Variants in FRMD4A observed in about 807,000 individuals in gnomAD.
The protein encoded by FRMD4A is FERM domain-containing protein 4A.
A neutral mutation model predicts 129.1 loss-of-function variants in FRMD4A; 29 were observed. The observed-to-expected ratio is 0.22, with a 90% CI of 0.17 to 0.31. FRMD4A has a LOEUF of 0.31. Among genes scored for constraint, FRMD4A ranks in the 10% least tolerant of loss-of-function variants. The pLI is 1.00. For missense variants in FRMD4A, 1,272 were observed against 1,375.8 expected (o/e 0.92, Z 1.19); for synonymous variants, 634 against 571.6 (o/e 1.11, Z -1.56).
intron 2 of FRMD4A, among the ~76,000 whole-genome samples, chr10:14,194,607 T>C (rs1458092665): frequency 7.9e-5 from 12 of 152,100 alleles, no homozygotes; most frequent in Admixed American, 3.9e-4. Flanking sequence ...CGAGACTCTG[T>C]CTCAACAACA....
At chr10:14,136,990 A>T (rs1270457241) in intron 2 of FRMD4A, among the ~76,000 whole-genome samples, 3 of 152,186 alleles carry the variant, frequency 2.0e-5, no homozygotes, top group Admixed American at 2.0e-4. Flanking sequence ...TAACTTTCTG[A>T]TGATTCATAT....
At chr10:13,974,416 G>C (rs151258333) in intron 2 of FRMD4A, among the ~76,000 whole-genome samples, 1 of 152,264 alleles carries the variant, frequency 6.6e-6, no homozygotes, top group Admixed American at 6.5e-5. Flanking sequence ...GCAGACGCCT[G>C]TCTCTGTGCC....
In FRMD4A at chr10:14,330,512, G is replaced by A; in HGVS notation, c.-82+85C>T. 7.4e-6 allele frequency: 3 copies of A among 405,132 alleles called. No homozygotes were observed. The East Asian group carries it at 1.1e-4, about 15-fold the overall frequency. 25.1% of individuals were successfully genotyped at this position (405,132 alleles called of 1,614,324 possible). Reference sequence around the variant, plus strand: ...TTAAAATAAAACATTCCCTATTGCAGATAAATCAAGCAGCCCGAGCCACCC... The same window carrying A: ...TTAAAATAAAACATTCCCTATTGCAAATAAATCAAGCAGCCCGAGCCACCC... On this transcript the variant is annotated intron_variant, in intron 1 of 24. Coordinates refer to ENST00000357447, the MANE Select transcript of FRMD4A (RefSeq NM_018027.5).
chr10:13,799,363 G>T (rs2093201563), intron 4 of FRMD4A, among the ~76,000 whole-genome samples: 1 of 152,110 alleles, frequency 6.6e-6, no homozygotes, highest in South Asian at 2.1e-4. Flanking sequence ...TCACCGTGTT[G>T]CCCAGGCTGG....
intron 6 of FRMD4A, among the ~76,000 whole-genome samples, chr10:13,768,617 C>T (rs1296297754): frequency 6.6e-6 from 1 of 152,206 alleles, no homozygotes; most frequent in East Asian, 1.9e-4. Context: ...GTTATCACCA[C>T]GTTTATTCTT....
At chr10:13,945,563 G>A (rs553624188) in intron 2 of FRMD4A, among the ~76,000 whole-genome samples, 2 of 152,018 alleles carry the variant, frequency 1.3e-5, no homozygotes, top group South Asian at 4.2e-4. Flanking sequence ...ATATGTAGTC[G>A]TAAAGTTTCA....
At chr10:14,160,282 A>T (rs934281716) in intron 2 of FRMD4A, among the ~76,000 whole-genome samples, 17 of 152,302 alleles carry the variant, frequency 1.1e-4, no homozygotes, top group Middle Eastern at 3.4e-3. Context: ...ATATTAAAAA[A>T]ATCCATGCAA....
intron 3 of FRMD4A, among the ~76,000 whole-genome samples, chr10:13,843,139 A>G (rs1057473697): frequency 6.6e-6 from 1 of 152,140 alleles, no homozygotes; most frequent in Non-Finnish European, 1.5e-5. Context: ...CCTTAATCCA[A>G]CATGCAGTAC....
chr10:14,314,140 T>C (rs1846651793), intron 2 of FRMD4A, among the ~76,000 whole-genome samples: 1 of 152,198 alleles, frequency 6.6e-6, no homozygotes, highest in Non-Finnish European at 1.5e-5. Flanking sequence ...GATGCCACTA[T>C]TGTCATTCAG....
chr10:14,280,124 A>T (rs1270054272), intron 2 of FRMD4A, among the ~76,000 whole-genome samples: 2 of 152,168 alleles, frequency 1.3e-5, no homozygotes, highest in African/African-American at 2.4e-5. Flanking sequence ...AGAACTGACC[A>T]TTTATTTTTT....
intron 2 of FRMD4A, among the ~76,000 whole-genome samples, chr10:14,243,194 T>C (rs1315345838): frequency 6.6e-6 from 1 of 152,208 alleles, no homozygotes; most frequent in African/African-American, 2.4e-5. Context: ...GCCAGTGATA[T>C]AGTTTGGCTC....
intron 2 of FRMD4A, among the ~76,000 whole-genome samples, chr10:13,963,292 A>G (rs1288899803): frequency 1.8e-5 from 2 of 109,336 alleles, no homozygotes; most frequent in Non-Finnish European, 3.6e-5. Context: ...TTTTTTTTTC[A>G]ACCACATATG....
chr10:13,953,602 G>C (rs1282605871), intron 2 of FRMD4A, among the ~76,000 whole-genome samples: 2 of 152,080 alleles, frequency 1.3e-5, no homozygotes, highest in South Asian at 2.1e-4. Flanking sequence ...TAGCCATCTT[G>C]GTTCCCAGAT....
chr10:14,213,199 G>A (rs1238607107), intron 2 of FRMD4A, among the ~76,000 whole-genome samples: 1 of 152,142 alleles, frequency 6.6e-6, no homozygotes, highest in African/African-American at 2.4e-5. Context: ...AGCTATGATT[G>A]TGCCACCACA....
intron 2 of FRMD4A, among the ~76,000 whole-genome samples, chr10:13,900,441 C>G (rs2094806493): frequency 6.6e-6 from 1 of 152,116 alleles, no homozygotes; most frequent in African/African-American, 2.4e-5. Flanking sequence ...AAGAATCAAT[C>G]AAAACATCAC....
intron 2 of FRMD4A, among the ~76,000 whole-genome samples, chr10:13,975,706 GTC>G (rs1207137604): frequency 6.6e-6 from 1 of 152,056 alleles, no homozygotes; most frequent in East Asian, 1.9e-4. Flanking sequence ...GTGTCTGTGT[GTC>G]TCTGTGAATC....
chr10:13,693,265 A>AT, intron 15 of FRMD4A: 1 of 164,202 alleles, frequency 6.1e-6, no homozygotes, highest in East Asian at 1.9e-4. Flanking sequence ...ATTTCAGTAA[A>AT]TGACACCCCC....
chr10:14,185,477 A>C (rs139429987), intron 2 of FRMD4A, among the ~76,000 whole-genome samples: 2 of 152,332 alleles, frequency 1.3e-5, no homozygotes, highest in Non-Finnish European at 2.9e-5. Context: ...AAACATTACA[A>C]CATTTTGTAA....
At chr10:14,147,149 A>C (rs984526507) in intron 2 of FRMD4A, among the ~76,000 whole-genome samples, 5 of 152,066 alleles carry the variant, frequency 3.3e-5, no homozygotes, top group Admixed American at 1.3e-4. Context: ...AAAGGAACAC[A>C]TTTTCCTTTT....
Sources: allele counts gnomAD v4.1 joint callset (sites outside exome capture counted in the v4.1 genomes callset), GRCh38; gene constraint gnomAD v4.1.1; transcripts MANE v1.5; gene names NCBI Gene and HGNC (gene_info 2026-07-23, HGNC 2026-07-21).